CSNK1G1: variants seen among roughly 807,000 people sequenced by gnomAD.
CSNK1G1 encodes the protein casein kinase I isoform gamma-1.
CSNK1G1 carries 22 observed loss-of-function variants against 59.6 expected under a neutral mutation model. That is an observed-to-expected ratio of 0.37 (90% CI 0.26 to 0.53). CSNK1G1 has a LOEUF of 0.53. Among genes scored for constraint, CSNK1G1 ranks in the 20% least tolerant of loss-of-function variants. The probability of loss-of-function intolerance (pLI) is 0.89; values close to 1 mark genes in which losing one functional copy is unlikely to be tolerated. For synonymous variants in CSNK1G1, 179 were observed against 177.1 expected (o/e 1.01, Z -0.08); for missense variants, 384 against 519.5 (o/e 0.74, Z 2.54).
intron 1 of CSNK1G1, among the ~76,000 whole-genome samples, chr15:64,323,070 A>ATAG (rs1370070372): frequency 6.6e-6 from 1 of 151,910 alleles, no homozygotes; most frequent in Non-Finnish European, 1.5e-5. Context: ...CTACAGGCTC[A>ATAG]CGCCACTATG....
intron 1 of CSNK1G1, among the ~76,000 whole-genome samples, chr15:64,304,576 CTACTT>C (rs1258832811): frequency 6.6e-6 from 1 of 152,020 alleles, no homozygotes; most frequent in African/African-American, 2.4e-5. Flanking sequence ...CATTTGAACT[CTACTT>C]AAATTCATGT....
rs2082311904 is a variant in CSNK1G1, at chr15:64,216,386, G to A, written c.444+176C>T. ...TCTTAAAATAGAGCAAATTGCAGAT[G>A]TAGTGTGACTTCTCTGAATTTACCC... On this transcript the variant is annotated intron_variant, in intron 5 of 11. Transcript: ENST00000303052. This position sits in a 1 kb window ranked among gnomAD's most constrained non-coding sequence, Gnocchi z 4.6. Among the ~76,000 whole-genome samples, 1 of 152,166 alleles carries A rather than the reference G, an allele frequency of 6.6e-6. No homozygotes were observed. Among genetic ancestry groups the A allele is most frequent in the South Asian group, 2.1e-4 (1 of 4,830 alleles).
intron 1 of CSNK1G1, among the ~76,000 whole-genome samples, chr15:64,334,631 T>C (rs1018714083): frequency 2.6e-5 from 4 of 152,142 alleles, no homozygotes; most frequent in African/African-American, 9.7e-5. Context: ...AAGGAGTGCA[T>C]AACCTACATC....
chr15:64,260,835 T>C (rs1892652406), intron 2 of CSNK1G1, among the ~76,000 whole-genome samples: 2 of 152,184 alleles, frequency 1.3e-5, no homozygotes, highest in Admixed American at 6.5e-5. Context: ...AACTACATCA[T>C]TAAACTTTTC....
rs2082130042 is a variant in CSNK1G1, at chr15:64,203,132, T to C, written c.1057A>G (p.Ser353Gly). Residue 353 changes from serine to glycine, a missense_variant, in exon 10 of 12, where the codon AGC (serine) becomes GGC (glycine). This residue lies in a region of CSNK1G1 where 325 missense variants were observed against 440.9 expected (regional missense o/e 0.74). Coordinates refer to ENST00000303052, the MANE Select transcript of CSNK1G1 (RefSeq NM_022048.5). The part of the protein sequence containing the change: ...DSGASAITRE[S>G]HTHRDRPSQQ... ...GATGGCCGATCCCTATGTGTGTGGC[T>C]TTCTCGAGTTATTGCAGATGCACCA... is the stretch of plus-strand genomic sequence containing the variant. 1 of 1,614,114 alleles carries C rather than the reference T, an allele frequency of 6.2e-7. No homozygotes were observed. The highest frequency in any genetic ancestry group is 8.5e-7 in the Non-Finnish European group (1 of 1,179,964).
chr15:64,251,576 T>C lies in CSNK1G1; in HGVS notation c.228A>G (p.Pro76=). 1 of 1,611,356 alleles carries C rather than the reference T, an allele frequency of 6.2e-7. No individual in the cohort carries two copies. The highest frequency in any genetic ancestry group is 1.7e-4 in the Middle Eastern group (1 of 6,036). Residue 76 remains proline, a synonymous_variant, in exon 4 of 12, where the codon CCA becomes CCG. Transcript: ENST00000303052. ...TNEYVAIKLE[P]IKSRAPQLHL... is the part of the protein sequence containing the mutation. ...GAAGCTGTGGAGCACGTGATTTTAT[T>C]GGTTCCTGAAATCCAAAAAGAAAAA...
intron 2 of CSNK1G1, among the ~76,000 whole-genome samples, chr15:64,292,523 T>G (rs1301207908): frequency 6.6e-6 from 1 of 152,214 alleles, no homozygotes; most frequent in East Asian, 1.9e-4. Flanking sequence ...ATCCTCTCAC[T>G]CTATCCTACT....
At chr15:64,246,625 T>TAAA (rs771554925) in intron 4 of CSNK1G1, among the ~76,000 whole-genome samples, 1 of 84,518 alleles carries the variant, frequency 1.2e-5, no homozygotes, top group Non-Finnish European at 2.1e-5. Flanking sequence ...TCCGTCTCTT[T>TAAA]AAAAAAAAAA....
At chr15:64,248,477 C>T (rs1192606678) in intron 4 of CSNK1G1, among the ~76,000 whole-genome samples, 1 of 152,124 alleles carries the variant, frequency 6.6e-6, no homozygotes, top group Non-Finnish European at 1.5e-5. Flanking sequence ...TGACATCACA[C>T]CAGGCCTTAA....
Position 64,217,686 on chromosome 15 carries a change from C to T in CSNK1G1, c.293-973G>A, listed in dbSNP as rs192538617. Among the ~76,000 whole-genome samples the T allele has an allele frequency of 1.9e-3, 295 of 151,924 alleles. 1 individual carries two copies. The highest frequency in any genetic ancestry group is 6.9e-3 in the African/African-American group (286 of 41,422). ...CAAAAATTAGCTGGGCATGGTGGCA[C>T]GCACCTATAGTCCCAGCTACTCAGG... On this transcript the variant is annotated intron_variant, in intron 4 of 11. Coordinates refer to ENST00000303052, the MANE Select transcript of CSNK1G1 (RefSeq NM_022048.5).
intron 2 of CSNK1G1, among the ~76,000 whole-genome samples, chr15:64,269,415 T>G (rs561874784): frequency 6.6e-6 from 1 of 152,130 alleles, no homozygotes; most frequent in Non-Finnish European, 1.5e-5. Flanking sequence ...CAGGTGTATG[T>G]GTCCAGGAAT....
chr15:64,248,671 C>G (rs1319257135), intron 4 of CSNK1G1, among the ~76,000 whole-genome samples: 1 of 152,124 alleles, frequency 6.6e-6, no homozygotes, highest in East Asian at 1.9e-4. Context: ...TCTTCCTCAT[C>G]TGGACTCTGG....
rs1335428656 is a variant in CSNK1G1, at chr15:64,234,260, G to A, written c.292+17252C>T. Among the ~76,000 whole-genome samples the A allele has an allele frequency of 4.6e-5, 7 of 151,730 alleles. No individual in the cohort carries two copies. In the East Asian group the frequency reaches 1.2e-3, roughly 25 times the overall value. On this transcript the variant is annotated intron_variant, in intron 4 of 11. Coordinates refer to ENST00000303052, the MANE Select transcript of CSNK1G1 (RefSeq NM_022048.5). ...TTGCAACTTTTTGTTTTTAACATGA[G>A]GCTGTTAAAATAAATATAAAATATT...
intron 1 of CSNK1G1, among the ~76,000 whole-genome samples, chr15:64,315,380 T>A (rs1175362144): frequency 1.3e-5 from 2 of 152,184 alleles, no homozygotes; most frequent in Non-Finnish European, 2.9e-5. Flanking sequence ...GTTCAGGATT[T>A]TATAGGTCAC....
chr15:64,169,386 C>T lies in CSNK1G1; in HGVS notation c.*2545G>A, dbSNP rs1398156083. The stretch of plus-strand genomic sequence containing the variant: ...TAGCTGGGACTACGGGAGCATGCCA[C>T]CATGCCCAGCTAATTTTTGTATTTT... On this transcript the variant is annotated 3_prime_UTR_variant, in exon 12 of 12. Coordinates refer to ENST00000303052, the MANE Select transcript of CSNK1G1 (RefSeq NM_022048.5). 2.6e-5 allele frequency: 4 copies of T among 152,246 alleles called. No individual in the cohort carries two copies. In the East Asian group the frequency reaches 7.7e-4, roughly 29 times the overall value. 9.4% of individuals were successfully genotyped at this position (152,246 alleles called of 1,614,324 possible).
At chr15:64,234,264 G>C (rs1350283109) in intron 4 of CSNK1G1, among the ~76,000 whole-genome samples, 6 of 151,938 alleles carry the variant, frequency 3.9e-5, no homozygotes, top group Non-Finnish European at 8.8e-5. Flanking sequence ...ACATGAGGCT[G>C]TTAAAATAAA....
intron 10 of CSNK1G1, 33 bp downstream of exon 10, chr15:64,203,049 T>C: frequency 6.8e-7 from 1 of 1,463,516 alleles, no homozygotes; most frequent in Non-Finnish European, 9.6e-7. Flanking sequence ...AGAAGAAGGG[T>C]AGTGTCTGAA....
At chr15:64,277,680 TAG>T (rs1260426964) in intron 2 of CSNK1G1, among the ~76,000 whole-genome samples, 2 of 134,504 alleles carry the variant, frequency 1.5e-5, no homozygotes, top group Non-Finnish European at 3.1e-5. Context: ...TTTAATAATA[TAG>T]CAATATTGAT....
intron 2 of CSNK1G1, among the ~76,000 whole-genome samples, chr15:64,296,436 T>G (rs570384520): frequency 6.6e-6 from 1 of 152,290 alleles, no homozygotes; most frequent in Non-Finnish European, 1.5e-5. Flanking sequence ...TCTGCTATAT[T>G]ATCACTTTGT....
Sources: allele counts gnomAD v4.1 joint callset (sites outside exome capture counted in the v4.1 genomes callset), GRCh38; gene constraint gnomAD v4.1.1; regional missense constraint gnomAD v4.1.1; non-coding constraint Gnocchi (gnomAD v3.1); transcripts MANE v1.5; gene names NCBI Gene and HGNC (gene_info 2026-07-23, HGNC 2026-07-21).